The following SPATA22 variants were observed in gnomAD, a reference collection of about 807,000 sequenced individuals.
The protein encoded by SPATA22 is spermatogenesis-associated protein 22.
SPATA22 carries 29 observed loss-of-function variants against 47.8 expected under a neutral mutation model. The ratio of observed to expected loss-of-function variants is 0.61; its 90% CI spans 0.45 to 0.83. SPATA22 has a LOEUF of 0.83. SPATA22 is among the 40% of genes least tolerant of loss of function. SPATA22 has a pLI of 0.00. For synonymous variants in SPATA22, 133 were observed against 140.9 expected, an observed-to-expected ratio of 0.94 and a Z score of 0.40; for missense variants, 410 against 421.7, an observed-to-expected ratio of 0.97 and a Z score of 0.24.
intron 5 of SPATA22, among the ~76,000 whole-genome samples, chr17:3,461,771 T>C (rs1224227391): frequency 2.6e-5 from 4 of 152,206 alleles, no homozygotes; most frequent in Non-Finnish European, 4.4e-5. Flanking sequence ...GTAAGGATTA[T>C]TGAAATAACA....
chr17:3,507,843 T>C (rs138303843), intron 1 of SPATA22, among the ~76,000 whole-genome samples: 393 of 152,296 alleles, frequency 2.6e-3, no homozygotes, highest in Non-Finnish European at 4.4e-3. Flanking sequence ...ACCATAAAAA[T>C]GTTGAAACCA....
intron 8 of SPATA22, chr17:3,440,637 C>T (rs569241198): frequency 2.1e-5 from 4 of 194,520 alleles, no homozygotes; most frequent in East Asian, 2.4e-4. Flanking sequence ...TATCAGATTC[C>T]CAGAGTTCCA....
intron 1 of SPATA22, chr17:3,499,290 A>G (rs2073962593): frequency 4.1e-6 from 2 of 483,438 alleles, no homozygotes; most frequent in South Asian, 8.0e-5. Flanking sequence ...GCTTATTCAA[A>G]GAAGTGTTTC....
chr17:3,444,801 C>T (rs1275762973), intron 7 of SPATA22, among the ~76,000 whole-genome samples: 1 of 152,004 alleles, frequency 6.6e-6, no homozygotes, highest in East Asian at 1.9e-4. Flanking sequence ...TTCCTATATA[C>T]AGTGCAGTGT....
At chr17:3,467,662 G>A in intron 2 of SPATA22, 108 bp from the exon 3 acceptor site, 1 of 733,490 alleles carries the variant, frequency 1.4e-6, no homozygotes, top group Admixed American at 3.9e-5. Flanking sequence ...ACTTCTATAT[G>A]CTAATATACT....
At position 3,510,259 on chromosome 17, in the gene SPATA22, A is replaced by C. The variant is rs560042581; in HGVS notation, c.-74+3153T>G. Among the ~76,000 whole-genome samples, 146 of 152,236 alleles carry C rather than the reference A, an allele frequency of 9.6e-4. 2 individuals carry two copies. Among genetic ancestry groups the C allele is most frequent in the African/African-American group, 3.4e-3 (143 of 41,550 alleles). On this transcript the variant is annotated intron_variant, in intron 1 of 8. Coordinates refer to the SPATA22 transcript ENST00000541913. ...AAGCCCGTGAGTCTCCTTTTATTGA[A>C]ACTGCTTCCAAAGCTGCTGAGTGGT...
chr17:3,460,751 C>CCACTGCA (rs1174172466), intron 5 of SPATA22, among the ~76,000 whole-genome samples: 1 of 146,876 alleles, frequency 6.8e-6, no homozygotes, highest in African/African-American at 2.5e-5. Context: ...TATGATCATG[C>CCACTGCA]CACTGCACTC....
At chr17:3,480,472 C>T (rs1314189021) in intron 1 of SPATA22, among the ~76,000 whole-genome samples, 5 of 152,162 alleles carry the variant, frequency 3.3e-5, no homozygotes, top group African/African-American at 4.8e-5. Context: ...TCAGTTCCTA[C>T]GTGGGGACCA....
At chr17:3,461,523 T>C (rs1284077808) in intron 5 of SPATA22, among the ~76,000 whole-genome samples, 1 of 152,210 alleles carries the variant, frequency 6.6e-6, no homozygotes, top group Non-Finnish European at 1.5e-5. Flanking sequence ...GTTGGAACAA[T>C]GTCTCTAAGA....
chr17:3,505,121 C>T (rs1158793850), intron 1 of SPATA22, among the ~76,000 whole-genome samples: 1 of 145,498 alleles, frequency 6.9e-6, no homozygotes, highest in Non-Finnish European at 1.5e-5. Flanking sequence ...AAACGCTTCC[C>T]CATCTCCACA....
At chr17:3,473,077 ACACC>A, upstream of SPATA22, among the ~76,000 whole-genome samples, 1 of 150,104 alleles carries the variant, frequency 6.7e-6, no homozygotes, top group Non-Finnish European at 1.5e-5. Flanking sequence ...TTTACAACAC[ACACC>A]CACCCACCCC....
intron 3 of SPATA22, among the ~76,000 whole-genome samples, chr17:3,464,524 T>G (rs556533584): frequency 2.0e-4 from 26 of 128,722 alleles, no homozygotes; most frequent in African/African-American, 7.0e-4. Flanking sequence ...CCGTCCCATC[T>G]AGGAAGTGAG....
chr17:3,460,541 C>A (rs1293364223), intron 5 of SPATA22, among the ~76,000 whole-genome samples: 1 of 152,010 alleles, frequency 6.6e-6, no homozygotes, highest in Non-Finnish European at 1.5e-5. Context: ...GTAATCCCAG[C>A]ACTTTGGGAG....
At chr17:3,463,070 G>A (rs1056112505) in intron 3 of SPATA22, among the ~76,000 whole-genome samples, 1 of 152,118 alleles carries the variant, frequency 6.6e-6, no homozygotes, top group Admixed American at 6.5e-5. Context: ...AATGTTTACT[G>A]AACTTTTAAA....
chr17:3,478,379 A>G (rs564454070), intron 1 of SPATA22, among the ~76,000 whole-genome samples: 2 of 152,330 alleles, frequency 1.3e-5, no homozygotes, highest in South Asian at 4.1e-4. Context: ...CAGGGCAATT[A>G]TACTGCAGTC....
rs531398648 is a variant in SPATA22 at position 3,470,771 on chromosome 17, C to A, written c.-74+911G>T. The stretch of plus-strand genomic sequence containing the variant: ...GTCTCAAAAAAAAAAGAAAAAAAAA[C>A]AACTTGGGAAACACGAGGTCAGGTG... On this transcript the variant is annotated intron_variant, in intron 1 of 8. Coordinates refer to ENST00000572969, the MANE Select transcript of SPATA22 (RefSeq NM_001170698.2). 5.4e-4 allele frequency among the ~76,000 whole-genome samples: 77 copies of A among 143,158 alleles called. No individual in the cohort carries two copies. The South Asian group carries it at 6.0e-3, about 11-fold the overall frequency. The allele number at this position is 143,158 out of a possible 152,430, so 93.9% of individuals were successfully genotyped here. A position where few individuals can be genotyped will look rare whatever the true frequency, so the allele number is the denominator to read the frequency against.
chr17:3,471,735 G>A lies in SPATA22; in HGVS notation c.-127C>T, dbSNP rs1310553773. 4.1e-6 allele frequency: 4 copies of A among 985,428 alleles called. No homozygotes were observed. The highest frequency in any genetic ancestry group is 1.2e-4 in the Admixed American group (2 of 16,276). The allele number at this position is 985,428 out of a possible 1,614,324, so 61.0% of individuals were successfully genotyped here. A position where few individuals can be genotyped will look rare whatever the true frequency, so the allele number is the denominator to read the frequency against. ...ACACGACACACAACTTTCGCCCTCA[G>A]TTTCCCTCGCCTCCGTCAACCGTCG... On this transcript the variant is annotated 5_prime_UTR_variant, in exon 1 of 9. Transcript: ENST00000572969.
At chr17:3,469,867 T>G (rs1484102009) in intron 1 of SPATA22, among the ~76,000 whole-genome samples, 5 of 152,058 alleles carry the variant, frequency 3.3e-5, no homozygotes, top group African/African-American at 9.7e-5. Flanking sequence ...TATCAAAGAC[T>G]AAGTCTTCCT....
In SPATA22 at chr17:3,462,485, C is replaced by G. The variant is rs112104918; in HGVS notation, c.327G>C (p.Trp109Cys). Residue 109 changes from tryptophan (W) to cysteine (C), a missense_variant and splice_region_variant, in exon 5 of 9, where the codon TGG becomes TGC. Transcript: ENST00000572969. ...QSNTGRSQGG[W>C]SYRDGNKNTS... is the part of the protein sequence containing the mutation. ...AAAGAAATTTTAAGTAGACTCACCTCCAACCACCCTGGCTTCTTCCAGTAT... is the reference window on the plus strand; with the variant it reads ...AAAGAAATTTTAAGTAGACTCACCTGCAACCACCCTGGCTTCTTCCAGTAT... 6.3e-7 allele frequency: 1 copy of G among 1,596,340 alleles called. No individual in the cohort carries two copies. The highest frequency in any genetic ancestry group is 1.4e-5 in the African/African-American group (1 of 73,984).
Sources: allele counts gnomAD v4.1 joint callset (sites outside exome capture counted in the v4.1 genomes callset), GRCh38; gene constraint gnomAD v4.1.1; transcripts MANE v1.5; gene names NCBI Gene and HGNC (gene_info 2026-07-23, HGNC 2026-07-21).